Variants in NSFL1C observed in about 807,000 individuals in gnomAD.
NSFL1C encodes NSFL1 cofactor.
A neutral mutation model predicts 43.1 loss-of-function variants in NSFL1C; 14 were observed. That is an observed-to-expected ratio of 0.32 (90% CI 0.21 to 0.51). The LOEUF (loss-of-function observed/expected upper bound fraction) is 0.51, where lower values mean the gene tolerates loss of function less well. Ranked by LOEUF, NSFL1C falls within the 20% of genes least tolerant of loss-of-function variation. The pLI, the probability that NSFL1C is intolerant of heterozygous loss-of-function variation, is 0.98. For missense variants in NSFL1C, 406 were observed against 472.5 expected (o/e 0.86, Z 1.30); for synonymous variants, 171 against 183.5 (o/e 0.93, Z 0.55).
intron 7 of NSFL1C, among the ~76,000 whole-genome samples, chr20:1,447,703 C>T (rs560180548): frequency 3.3e-5 from 5 of 152,246 alleles, no homozygotes; most frequent in Admixed American, 1.3e-4. Context: ...GGAACTATAA[C>T]GTTTTCAGGC....
At chr20:1,445,398 G>A (rs1350447582) in intron 8 of NSFL1C, among the ~76,000 whole-genome samples, 1 of 152,164 alleles carries the variant, frequency 6.6e-6, no homozygotes, top group Non-Finnish European at 1.5e-5. Context: ...CTTAAAAAAA[G>A]CCCTGAGAAA....
chr20:1,456,492 A>C (rs1248012581), intron 3 of NSFL1C: 1 of 152,258 alleles, frequency 6.6e-6, no homozygotes, highest in Non-Finnish European at 1.5e-5. Context: ...CCAAAGACTG[A>C]CCATGATGAG....
intron 7 of NSFL1C, among the ~76,000 whole-genome samples, chr20:1,451,726 C>A (rs1449724884): frequency 1.3e-5 from 2 of 152,316 alleles, no homozygotes; most frequent in East Asian, 3.9e-4. Flanking sequence ...GGCCAAGAGT[C>A]TGGTGGGAGA....
In NSFL1C at chr20:1,445,816, A is replaced by T; in HGVS notation, c.800T>A (p.Val267Glu). ...TTGGGCTGGAGAGCTGGTACTCAAC[A>T]CCTGGGGGGCAGTGCTGAGGAGAGA... ...GQKLGSTAPQVLSTSSPAQQA... is the reference protein window; with the variant it reads ...GQKLGSTAPQELSTSSPAQQA... The change falls in exon 8 of 9, where the codon GTG becomes GAG. Residue 267 changes from valine (V) to glutamate (E), a missense_variant. This residue lies in a region of NSFL1C where 196 missense variants were observed against 228.0 expected (regional missense o/e 0.86). Coordinates refer to ENST00000216879, the MANE Select transcript of NSFL1C (RefSeq NM_016143.5). 6.2e-7 allele frequency: 1 copy of T among 1,613,898 alleles called. No homozygotes were observed.
At chr20:1,454,899 G>T in intron 4 of NSFL1C, 68 bp downstream of exon 4, 2 of 1,523,590 alleles carry the variant, frequency 1.3e-6, no homozygotes, top group Non-Finnish European at 1.8e-6. Context: ...CTACCGGGGT[G>T]AAGAAGGTGG....
intron 3 of NSFL1C, among the ~76,000 whole-genome samples, chr20:1,457,770 A>G (rs542131865): frequency 3.9e-5 from 6 of 152,302 alleles, no homozygotes; most frequent in Admixed American, 2.6e-4. Flanking sequence ...CTTTTTAAAG[A>G]CTGAGTAGTA....
At chr20:1,464,492 A>T in intron 1 of NSFL1C, 66 bp from the exon 2 acceptor site, 10 of 1,302,744 alleles carry the variant, frequency 7.7e-6, no homozygotes, top group South Asian at 1.2e-5. Context: ...ATCTCCTTTG[A>T]GCACAAAGGA....
At chr20:1,454,339 T>G in intron 4 of NSFL1C, 34 bp from the exon 5 acceptor site, 1 of 1,485,466 alleles carries the variant, frequency 6.7e-7, no homozygotes. Context: ...ATTTAAGGGG[T>G]TGGTCCATGG....
intron 2 of NSFL1C, among the ~76,000 whole-genome samples, chr20:1,461,700 C>CT (rs1235054247): frequency 6.6e-6 from 1 of 152,148 alleles, no homozygotes; most frequent in African/African-American, 2.4e-5. Flanking sequence ...CCTTGTTTTA[C>CT]TAGCTCTGTG....
At chr20:1,444,035 G>A (rs2090005957) in intron 8 of NSFL1C, 124 bp from the exon 9 acceptor site, 6 of 1,044,222 alleles carry the variant, frequency 5.7e-6, no homozygotes, top group East Asian at 2.6e-5. Context: ...CGAAAGCTAC[G>A]CTCAGGCATG....
intron 3 of NSFL1C, among the ~76,000 whole-genome samples, chr20:1,455,518 C>G (rs1433542732): frequency 6.6e-6 from 1 of 152,184 alleles, no homozygotes; most frequent in Non-Finnish European, 1.5e-5. Context: ...CTCCAGGAGA[C>G]AGTGACTACA....
intron 8 of NSFL1C, among the ~76,000 whole-genome samples, chr20:1,445,088 C>T (rs1339063084): frequency 2.0e-5 from 3 of 152,216 alleles, no homozygotes; most frequent in Non-Finnish European, 4.4e-5. Context: ...TAGCACCTCT[C>T]CTACTAGTCT....
chr20:1,466,357 C>T (rs1476723022), intron 1 of NSFL1C, among the ~76,000 whole-genome samples: 1 of 152,248 alleles, frequency 6.6e-6, no homozygotes. Context: ...CCGAGTGGGG[C>T]TTCACCCAAG....
chr20:1,454,598 T>C (rs1189354635), intron 4 of NSFL1C, among the ~76,000 whole-genome samples: 4 of 152,250 alleles, frequency 2.6e-5, no homozygotes, highest in African/African-American at 9.6e-5. Context: ...ATGTAGGAAT[T>C]TGGGTACAAG....
At position 1,443,639 on chromosome 20, in the gene NSFL1C, T is replaced by A. The variant is rs1299866010; in HGVS notation, c.*110A>T. ...AGAACCCAGAGCTATGGAGGAGACG[T>A]TGCACTGGACTGCTGGGTGTGCACA... On this transcript the variant is annotated 3_prime_UTR_variant, in exon 9 of 9. Transcript: ENST00000216879. 8.3e-6 allele frequency: 9 copies of A among 1,090,440 alleles called. No homozygotes were observed. Among genetic ancestry groups the A allele is most frequent in the African/African-American group, 1.6e-5 (1 of 64,304 alleles). 67.5% of individuals were successfully genotyped at this position (1,090,440 alleles called of 1,614,324 possible).
At chr20:1,444,202 A>G (rs2090009398) in intron 8 of NSFL1C, among the ~76,000 whole-genome samples, 1 of 151,648 alleles carries the variant, frequency 6.6e-6, no homozygotes, top group South Asian at 2.1e-4. Flanking sequence ...ATCAGGCCAT[A>G]CTCTCTTCCC....
intron 7 of NSFL1C, among the ~76,000 whole-genome samples, chr20:1,447,770 G>A (rs181500056): frequency 3.9e-5 from 5 of 129,286 alleles, no homozygotes; most frequent in Admixed American, 3.7e-4. Context: ...AGTTAAGGGG[G>A]TGGGGAGCAG....
At chr20:1,465,615 T>C (rs534700723) in intron 1 of NSFL1C, among the ~76,000 whole-genome samples, 51 of 152,346 alleles carry the variant, frequency 3.3e-4, no homozygotes, top group African/African-American at 1.1e-3. Flanking sequence ...TCAGTTCAAA[T>C]TCCAACCCCG....
At chr20:1,447,119 T>C (rs2090075396) in intron 7 of NSFL1C, among the ~76,000 whole-genome samples, 1 of 152,202 alleles carries the variant, frequency 6.6e-6, no homozygotes, top group South Asian at 2.1e-4. Context: ...ACTTACAGAA[T>C]TACAAAGTAG....
Sources: allele counts gnomAD v4.1 joint callset (sites outside exome capture counted in the v4.1 genomes callset), GRCh38; gene constraint gnomAD v4.1.1; regional missense constraint gnomAD v4.1.1; transcripts MANE v1.5; gene names NCBI Gene and HGNC (gene_info 2026-07-23, HGNC 2026-07-21).